Variants in TSNARE1 observed in about 807,000 individuals in gnomAD.
The protein encoded by TSNARE1 is t-SNARE domain containing 1, also known as t-SNARE domain-containing protein 1.
A neutral mutation model predicts 62.0 loss-of-function variants in TSNARE1; 49 were observed. That is an observed-to-expected ratio of 0.79 (90% CI 0.63 to 1.00). The LOEUF (loss-of-function observed/expected upper bound fraction) is 1.00. TSNARE1 is among the 50% of genes least tolerant of loss of function. TSNARE1 has a pLI of 0.00. For synonymous variants in TSNARE1, 328 were observed against 294.4 expected (o/e 1.11, Z -1.17); for missense variants, 755 against 700.1 (o/e 1.08, Z -0.88).
At position 142,319,122 on chromosome 8, in the gene TSNARE1, C is replaced by T. The variant is rs935104607; in HGVS notation, c.894-488G>A. On this transcript the variant is annotated intron_variant, in intron 6 of 13. Transcript: ENST00000524325. The surrounding 1 kb of genome is among the most constrained non-coding windows in gnomAD (Gnocchi z 4.9). ...CAGCCAGAACAGTGGCAGCCGGGCC[C>T]CACCAATCGGCCACTGCGAGGACCA... 4.6e-5 allele frequency among the ~76,000 whole-genome samples: 7 copies of T among 151,886 alleles called. No individual in the cohort carries two copies. Among genetic ancestry groups the T allele is most frequent in the Non-Finnish European group, 7.4e-5 (5 of 67,970 alleles).
At chr8:142,244,517 C>G (rs543362392) in intron 12 of TSNARE1, among the ~76,000 whole-genome samples, 1 of 152,232 alleles carries the variant, frequency 6.6e-6, no homozygotes, top group Non-Finnish European at 1.5e-5. Flanking sequence ...CAAGAAGACT[C>G]ACCATCGTGA....
intron 11 of TSNARE1, among the ~76,000 whole-genome samples, chr8:142,279,391 C>T (rs1191975125): frequency 6.6e-6 from 1 of 152,184 alleles, no homozygotes; most frequent in Non-Finnish European, 1.5e-5. Flanking sequence ...CTGGGCTGCA[C>T]CCGCTGCTGC....
At chr8:142,273,660 C>G (rs1267984796) in intron 12 of TSNARE1, 2 of 985,218 alleles carry the variant, frequency 2.0e-6, no homozygotes, top group Non-Finnish European at 1.2e-6. Context: ...ATGGGGAGGC[C>G]CAAACTGGGA....
At chr8:142,300,872 C>A (rs911570129) in intron 9 of TSNARE1, among the ~76,000 whole-genome samples, 3 of 152,114 alleles carry the variant, frequency 2.0e-5, no homozygotes, top group Admixed American at 2.0e-4. Flanking sequence ...AGACGTCAGT[C>A]CCCAGTGTCA....
intron 1 of TSNARE1, among the ~76,000 whole-genome samples, chr8:142,396,203 C>T (rs1837884122): frequency 6.6e-6 from 1 of 152,180 alleles, no homozygotes; most frequent in South Asian, 2.1e-4. Flanking sequence ...CCTCAGATGA[C>T]ACCCAGGGTC....
chr8:142,230,733 CA>C (rs1270687744), intron 12 of TSNARE1, among the ~76,000 whole-genome samples: 1 of 152,028 alleles, frequency 6.6e-6, no homozygotes, highest in Non-Finnish European at 1.5e-5. Flanking sequence ...TCTGGGTCAT[CA>C]GTTAAATGTT....
intron 3 of TSNARE1, 92 bp from the exon 4 acceptor site, chr8:142,344,564 T>C: frequency 7.5e-7 from 1 of 1,330,832 alleles, no homozygotes; most frequent in Non-Finnish European, 9.8e-7. Context: ...TCCTCTCTGG[T>C]TTCTGCTTCA....
chr8:142,309,552 G>C (rs1051121352), intron 9 of TSNARE1, among the ~76,000 whole-genome samples: 2 of 152,110 alleles, frequency 1.3e-5, no homozygotes, highest in African/African-American at 2.4e-5. Flanking sequence ...ATTACATGGT[G>C]AATCACACAC....
chr8:142,317,302 G>A (rs1398456300), intron 7 of TSNARE1, among the ~76,000 whole-genome samples: 4 of 135,036 alleles, frequency 3.0e-5, no homozygotes, highest in South Asian at 4.7e-4. Flanking sequence ...AGCGGGTATG[G>A]CCAGCGGCTC....
chr8:142,320,113 G>A (rs972238535), intron 6 of TSNARE1, among the ~76,000 whole-genome samples: 1 of 152,032 alleles, frequency 6.6e-6, no homozygotes, highest in African/African-American at 2.4e-5. Context: ...CCTCTCCCTG[G>A]GCTGCCACTC....
At chr8:142,234,114 T>C (rs1817267531) in intron 12 of TSNARE1, among the ~76,000 whole-genome samples, 1 of 152,224 alleles carries the variant, frequency 6.6e-6, no homozygotes, top group Non-Finnish European at 1.5e-5. Context: ...GATGGCTCCA[T>C]GACCCCAACC....
chr8:142,347,344 T>C (rs1833509418), intron 2 of TSNARE1, among the ~76,000 whole-genome samples: 1 of 152,134 alleles, frequency 6.6e-6, no homozygotes, highest in Non-Finnish European at 1.5e-5. Flanking sequence ...GGGGCCCAAG[T>C]CACAGAGGGA....
At chr8:142,273,947 C>T in intron 12 of TSNARE1, 1 of 985,250 alleles carries the variant, frequency 1.0e-6, no homozygotes, top group African/African-American at 1.7e-5. Context: ...TGGACCCTGG[C>T]CTCACACCCA....
At position 142,232,135 on chromosome 8, in the gene TSNARE1, C is replaced by T. The variant is rs191713206; in HGVS notation, c.1447-2556G>A. Among the ~76,000 whole-genome samples the T allele has an allele frequency of 1.5e-4, 23 of 152,360 alleles. No homozygotes were observed. In the East Asian group the frequency reaches 4.4e-3, roughly 29 times the overall value. On this transcript the variant is annotated intron_variant, in intron 12 of 13. Coordinates refer to ENST00000524325, the MANE Select transcript of TSNARE1 (RefSeq NM_145003.5). ...TGGGCCTCTCGGCAGCAGCAGTTCC[C>T]GGCCTTTGACTTGGGGTGCCATGCC...
intron 10 of TSNARE1, among the ~76,000 whole-genome samples, chr8:142,292,514 C>T (rs1056168037): frequency 6.6e-5 from 10 of 152,212 alleles, no homozygotes; most frequent in Admixed American, 2.0e-4. Context: ...AGGGCGGGAG[C>T]CACAGGCTAG....
intron 4 of TSNARE1, among the ~76,000 whole-genome samples, chr8:142,332,041 G>A (rs987658866): frequency 2.0e-5 from 3 of 152,234 alleles, no homozygotes; most frequent in African/African-American, 7.2e-5. Context: ...AAGCTGGAAG[G>A]AAGGAGAGAC....
At chr8:142,290,319 G>A (rs942417648) in intron 10 of TSNARE1, among the ~76,000 whole-genome samples, 1 of 152,236 alleles carries the variant, frequency 6.6e-6, no homozygotes, top group African/African-American at 2.4e-5. Context: ...CCCTGGCACG[G>A]CAGCCAGAGG....
chr8:142,360,904 T>C (rs1400356852), intron 1 of TSNARE1, among the ~76,000 whole-genome samples: 3 of 152,252 alleles, frequency 2.0e-5, no homozygotes, highest in Admixed American at 6.5e-5. Context: ...AGCCCTTCAG[T>C]CAGACTCCCC....
At chr8:142,282,269 T>G (rs1445801736) in intron 11 of TSNARE1, among the ~76,000 whole-genome samples, 1 of 152,184 alleles carries the variant, frequency 6.6e-6, no homozygotes, top group Non-Finnish European at 1.5e-5. Flanking sequence ...CCTCTACATC[T>G]CTGCAACCTC....
Sources: allele counts gnomAD v4.1 joint callset (sites outside exome capture counted in the v4.1 genomes callset), GRCh38; gene constraint gnomAD v4.1.1; non-coding constraint Gnocchi (gnomAD v3.1); transcripts MANE v1.5; gene names NCBI Gene and HGNC (gene_info 2026-07-23, HGNC 2026-07-21).